BNC2: variants seen among roughly 807,000 people sequenced by gnomAD.
The protein encoded by BNC2 is basonuclin zinc finger protein 2, also known as zinc finger protein basonuclin-2.
BNC2 carries 20 observed loss-of-function variants against 76.3 expected under a neutral mutation model. That is an observed-to-expected ratio of 0.26 (90% CI 0.18 to 0.38). The LOEUF is 0.38. Ranked by LOEUF, BNC2 falls within the 10% of genes least tolerant of loss-of-function variation. BNC2 has a pLI of 1.00. For missense variants in BNC2, 1,382 were observed against 1,399.8 expected (o/e 0.99, Z 0.20); for synonymous variants, 582 against 514.8 (o/e 1.13, Z -1.77).
chr9:16,617,806 A>G (rs1397220074), intron 3 of BNC2, among the ~76,000 whole-genome samples: 1 of 152,262 alleles, frequency 6.6e-6, no homozygotes, highest in Admixed American at 6.5e-5. Flanking sequence ...AACTTCAGCT[A>G]TGCAGGAAGT....
intron 1 of BNC2, among the ~76,000 whole-genome samples, chr9:16,780,573 A>G (rs971457269): frequency 4.6e-5 from 7 of 152,058 alleles, no homozygotes; most frequent in Admixed American, 2.0e-4. Flanking sequence ...TCCGCCTTAA[A>G]AAAAAAAAAT....
chr9:16,542,567 A>G (rs1048605269), intron 5 of BNC2, among the ~76,000 whole-genome samples: 1 of 152,218 alleles, frequency 6.6e-6, no homozygotes, highest in African/African-American at 2.4e-5. Context: ...GGCTATCGGC[A>G]ACAAATGCCA....
rs573427411 is a variant in BNC2 at position 16,834,488 on chromosome 9, T to A, written c.3+36158A>T. On this transcript the variant is annotated intron_variant, in intron 1 of 6. Transcript: ENST00000380672. Reference sequence around the variant, plus strand: ...TCAGACTATAAGTCAGACCTTGCTATTACCAGCTGCCTGACCATAGCTAAA... The same window carrying A: ...TCAGACTATAAGTCAGACCTTGCTAATACCAGCTGCCTGACCATAGCTAAA... Among the ~76,000 whole-genome samples, 25 of 152,330 alleles carry A rather than the reference T, an allele frequency of 1.6e-4. No homozygotes were observed. The South Asian group carries it at 1.7e-3, about 10-fold the overall frequency.
intron 1 of BNC2, among the ~76,000 whole-genome samples, chr9:16,858,554 G>T (rs955908617): frequency 2.0e-5 from 3 of 152,098 alleles, no homozygotes; most frequent in Admixed American, 2.0e-4. Context: ...ATCAAACTTA[G>T]AAACTTCTGG....
At chr9:16,681,595 C>G (rs944920987) in intron 3 of BNC2, among the ~76,000 whole-genome samples, 2 of 152,170 alleles carry the variant, frequency 1.3e-5, no homozygotes, top group African/African-American at 4.8e-5. Flanking sequence ...CAAACTCACA[C>G]ACACACTCAC....
In BNC2 at chr9:16,435,925, C is replaced by T; in HGVS notation, c.2269G>A (p.Glu757Lys). 6.2e-7 allele frequency: 1 copy of T among 1,614,122 alleles called. No individual in the cohort carries two copies. The highest frequency in any genetic ancestry group is 1.3e-5 in the African/African-American group (1 of 75,050). Residue 757 changes from glutamate (E) to lysine (K), a missense_variant, in exon 6 of 7, where the codon GAG becomes AAG. Transcript: ENST00000380672. The part of the protein sequence containing the change: ...EVSEKVLMNS[E>K]RPDENHSEPS... Reference sequence around the variant, plus strand: ...TCACTGTGGTTCTCATCAGGCCTCTCACTATTCATCAGGACTTTTTCACTC... The same window carrying T: ...TCACTGTGGTTCTCATCAGGCCTCTTACTATTCATCAGGACTTTTTCACTC...
chr9:16,485,396 A>G (rs1822142773), intron 5 of BNC2, among the ~76,000 whole-genome samples: 1 of 152,152 alleles, frequency 6.6e-6, no homozygotes, highest in Non-Finnish European at 1.5e-5. Context: ...TTCATTAAGC[A>G]TCTGTTACTC....
At chr9:16,430,022 G>C in intron 6 of BNC2, 1 of 501,318 alleles carries the variant, frequency 2.0e-6, no homozygotes, top group Non-Finnish European at 4.0e-6. Context: ...CCAGGGACAG[G>C]AATGACACTG....
At chr9:16,618,101 G>A (rs540738635) in intron 3 of BNC2, among the ~76,000 whole-genome samples, 17 of 152,152 alleles carry the variant, frequency 1.1e-4, no homozygotes, top group Non-Finnish European at 2.5e-4. Flanking sequence ...CTGTAACAAT[G>A]CCATCAATAA....
chr9:16,849,420 G>A (rs1412957369), intron 1 of BNC2, among the ~76,000 whole-genome samples: 3 of 140,494 alleles, frequency 2.1e-5, no homozygotes, highest in Admixed American at 7.6e-5. Flanking sequence ...GTACAGTGGC[G>A]CAATCTCGGC....
chr9:16,837,093 G>C (rs1238124488), intron 1 of BNC2, among the ~76,000 whole-genome samples: 1 of 152,172 alleles, frequency 6.6e-6, no homozygotes, highest in Non-Finnish European at 1.5e-5. Context: ...TATAAGCATA[G>C]AGAAGTAACA....
intron 3 of BNC2, among the ~76,000 whole-genome samples, chr9:16,654,135 T>C (rs1025678371): frequency 6.6e-6 from 1 of 152,194 alleles, no homozygotes; most frequent in East Asian, 1.9e-4. Context: ...AAATAAAACA[T>C]TCAGAGAGAG....
At chr9:16,499,440 A>G (rs768536048) in intron 5 of BNC2, among the ~76,000 whole-genome samples, 7 of 151,980 alleles carry the variant, frequency 4.6e-5, no homozygotes, top group East Asian at 1.9e-4. Flanking sequence ...AATCACACCA[A>G]TTCTTCCTCT....
At chr9:16,552,483 C>A (rs114343899) in intron 5 of BNC2, 47 bp downstream of exon 5, 12 of 1,549,790 alleles carry the variant, frequency 7.7e-6, no homozygotes, top group Middle Eastern at 3.4e-4. Flanking sequence ...CCCTTCCCCA[C>A]CCACAGTCGG....
At chr9:16,666,361 C>A (rs1822290991) in intron 3 of BNC2, among the ~76,000 whole-genome samples, 2 of 152,178 alleles carry the variant, frequency 1.3e-5, no homozygotes, top group Admixed American at 6.5e-5. Flanking sequence ...TCTCCTATAA[C>A]TCTATATAGA....
In BNC2 at chr9:16,662,829, C is replaced by A. The variant is rs78518768; in HGVS notation, c.330+64968G>T. 6.8e-3 allele frequency among the ~76,000 whole-genome samples: 1,028 copies of A among 152,286 alleles called. 12 individuals are homozygous for A. The highest frequency in any genetic ancestry group is 0.023 in the African/African-American group (944 of 41,568). Reference sequence around the variant, plus strand: ...AAATCAGGGAGACTTTCTACTGCTTCCTTCTCTAGAAACACCATTCTTAAA... The same window carrying A: ...AAATCAGGGAGACTTTCTACTGCTTACTTCTCTAGAAACACCATTCTTAAA... On this transcript the variant is annotated intron_variant, in intron 3 of 6. Transcript: ENST00000380672.
intron 3 of BNC2, among the ~76,000 whole-genome samples, chr9:16,678,408 C>T (rs997277279): frequency 6.7e-6 from 1 of 148,792 alleles, no homozygotes; most frequent in Non-Finnish European, 1.5e-5. Flanking sequence ...GCTGGGATTA[C>T]AGGCACACGC....
At chr9:16,486,497 G>A (rs1822167217) in intron 5 of BNC2, among the ~76,000 whole-genome samples, 1 of 152,264 alleles carries the variant, frequency 6.6e-6, no homozygotes, top group Non-Finnish European at 1.5e-5. Flanking sequence ...CCAGTACTAT[G>A]CTTGGGCAAT....
At chr9:16,650,374 G>A (rs192035527) in intron 3 of BNC2, among the ~76,000 whole-genome samples, 74 of 152,228 alleles carry the variant, frequency 4.9e-4, no homozygotes, top group African/African-American at 1.8e-3. Context: ...TCACTGATGT[G>A]TTCATGCCTT....
Sources: allele counts gnomAD v4.1 joint callset (sites outside exome capture counted in the v4.1 genomes callset), GRCh38; gene constraint gnomAD v4.1.1; transcripts MANE v1.5; gene names NCBI Gene and HGNC (gene_info 2026-07-23, HGNC 2026-07-21).